PCED1B: variants seen among roughly 807,000 people sequenced by gnomAD.
The protein encoded by PCED1B is PC-esterase domain-containing protein 1B.
For synonymous variants in PCED1B, 251 were observed against 246.1 expected (o/e 1.02, Z -0.19); for missense variants, 573 against 573.9 (o/e 1.00, Z 0.02).
At chr12:47,207,768 A>G (rs562094641) in intron 2 of PCED1B, among the ~76,000 whole-genome samples, 1 of 152,308 alleles carries the variant, frequency 6.6e-6, no homozygotes, top group East Asian at 1.9e-4. Context: ...ACTATAATCT[A>G]TTATTCTTAA....
Position 47,235,500 on chromosome 12 carries a change from T to C in PCED1B, c.437T>C (p.Leu146Pro). ...AGCTACCTGGAGAACCTGGAGAACC[T>C]GTTCCAGTGCCTGGGCCAGGTGCTG... ...WRSYLENLEN[L>P]FQCLGQVLPE... The change falls in exon 4 of 4, where the codon CTG (leucine) becomes CCG (proline). Residue 146 changes from leucine (L) to proline (P), a missense_variant. By Grantham distance (98) the Leu-to-Pro change is moderately conservative. Transcript: ENST00000546455. 1 of 1,613,174 alleles carries C rather than the reference T, an allele frequency of 6.2e-7. No homozygotes were observed. The highest frequency in any genetic ancestry group is 8.5e-7 in the Non-Finnish European group (1 of 1,179,388).
chr12:47,084,298 CAG>C (rs769814550), intron 1 of PCED1B, among the ~76,000 whole-genome samples: 3 of 152,260 alleles, frequency 2.0e-5, no homozygotes, highest in South Asian at 4.1e-4. Context: ...AAGTGAAAAA[CAG>C]AATGATTGTA....
At chr12:47,177,799 C>T (rs949950416) in intron 2 of PCED1B, among the ~76,000 whole-genome samples, 4 of 152,064 alleles carry the variant, frequency 2.6e-5, no homozygotes, top group African/African-American at 9.7e-5. Context: ...ACTAAAAATA[C>T]AAAAATTAAC....
rs563835060 is a variant in PCED1B at position 47,235,201 on chromosome 12, G to A, written c.138G>A (p.Gly46=). The A allele has an allele frequency of 5.0e-6, 8 of 1,603,792 alleles. No individual in the cohort carries two copies. The Admixed American group carries it at 5.0e-5, about 10-fold the overall frequency. The change falls in exon 4 of 4, where the codon GGG becomes GGA. Residue 46 remains glycine, a synonymous_variant. Transcript: ENST00000546455. ...LLQKDRLLTP[G]QLRARGELNF... The stretch of plus-strand genomic sequence containing the variant: ...AGAAGGACCGCCTGCTCACTCCCGG[G>A]CAGCTTAGAGCAAGGGGGGAGCTGA...
At chr12:47,196,636 T>C (rs1942609956) in intron 2 of PCED1B, among the ~76,000 whole-genome samples, 1 of 152,136 alleles carries the variant, frequency 6.6e-6, no homozygotes, top group Non-Finnish European at 1.5e-5. Flanking sequence ...GAGACCAGCC[T>C]GGCCAACACG....
rs547549126 is a variant in PCED1B, at chr12:47,113,465, T to G, written c.-526+9270T>G. Among the ~76,000 whole-genome samples, 773 of 152,316 alleles carry G rather than the reference T, an allele frequency of 5.1e-3. 5 individuals carry two copies. The highest frequency in any genetic ancestry group is 0.017 in the African/African-American group (705 of 41,558). ...AAAGAAGCTTGTCCAGATCTGACTG[T>G]TTGCTCAGCTTTCATGCTTTATACT... On this transcript the variant is annotated intron_variant, in intron 2 of 3. Coordinates refer to ENST00000546455, the MANE Select transcript of PCED1B (RefSeq NM_138371.3).
chr12:47,213,594 G>T (rs959977050), intron 2 of PCED1B, among the ~76,000 whole-genome samples: 9 of 152,212 alleles, frequency 5.9e-5, no homozygotes, highest in African/African-American at 1.9e-4. Context: ...CTTGCATAAA[G>T]CAAAGTTTAA....
intron 3 of PCED1B, among the ~76,000 whole-genome samples, chr12:47,218,660 AT>A (rs869274398): frequency 7.1e-6 from 1 of 140,814 alleles, no homozygotes; most frequent in Non-Finnish European, 1.6e-5. Context: ...ATCATTTTTA[AT>A]TTTTTTTCTT....
chr12:47,140,536 C>T (rs986324799), intron 2 of PCED1B, among the ~76,000 whole-genome samples: 1 of 152,180 alleles, frequency 6.6e-6, no homozygotes, highest in South Asian at 2.1e-4. Flanking sequence ...TAAAACCTCT[C>T]TCCTCATTCG....
At chr12:47,234,962 G>C (rs1038625937) in intron 3 of PCED1B, 45 bp from the exon 4 acceptor site, 2 of 1,151,760 alleles carry the variant, frequency 1.7e-6, no homozygotes, top group Admixed American at 5.4e-5. Flanking sequence ...TGGGCGCTCC[G>C]CCCAGAGGTG....
At chr12:47,140,059 T>C (rs1477245935) in intron 2 of PCED1B, among the ~76,000 whole-genome samples, 2 of 152,106 alleles carry the variant, frequency 1.3e-5, no homozygotes, top group Non-Finnish European at 1.5e-5. Flanking sequence ...AGCTTGAAAA[T>C]AAAATAAGCA....
At chr12:47,207,489 T>C (rs1199181142) in intron 2 of PCED1B, among the ~76,000 whole-genome samples, 1 of 152,190 alleles carries the variant, frequency 6.6e-6, no homozygotes, top group African/African-American at 2.4e-5. Flanking sequence ...GGAAGTGCTC[T>C]TTCTCTCCTG....
intron 2 of PCED1B, among the ~76,000 whole-genome samples, chr12:47,148,032 G>A (rs1940855018): frequency 6.6e-6 from 1 of 152,180 alleles, no homozygotes; most frequent in African/African-American, 2.4e-5. Flanking sequence ...AGTTCTGGAG[G>A]CTGGAGAGTT....
At chr12:47,090,403 T>G (rs1315581604) in intron 1 of PCED1B, among the ~76,000 whole-genome samples, 1 of 152,142 alleles carries the variant, frequency 6.6e-6, no homozygotes, top group Non-Finnish European at 1.5e-5. Flanking sequence ...GAATGTGAAC[T>G]AAACAATTAC....
At chr12:47,234,138 G>A (rs1279407723) in intron 3 of PCED1B, among the ~76,000 whole-genome samples, 1 of 152,048 alleles carries the variant, frequency 6.6e-6, no homozygotes, top group African/African-American at 2.4e-5. Context: ...ACAGGCATGC[G>A]CCACCACGCC....
intron 2 of PCED1B, among the ~76,000 whole-genome samples, chr12:47,215,795 C>T (rs965906685): frequency 6.8e-5 from 10 of 147,794 alleles, no homozygotes; most frequent in Admixed American, 6.0e-4. Context: ...TGGCTCACCC[C>T]TATAATCCCA....
At chr12:47,177,471 A>ACC (rs1402389737) in intron 2 of PCED1B, among the ~76,000 whole-genome samples, 1 of 152,126 alleles carries the variant, frequency 6.6e-6, no homozygotes, top group Non-Finnish European at 1.5e-5. Flanking sequence ...CCCATATGTA[A>ACC]CCTTTGATGT....
chr12:47,110,871 C>G (rs754103883), intron 2 of PCED1B, among the ~76,000 whole-genome samples: 1 of 152,144 alleles, frequency 6.6e-6, no homozygotes, highest in Admixed American at 6.5e-5. Flanking sequence ...TTTGATGTCC[C>G]GCATCACAGT....
chr12:47,117,129 G>T lies in PCED1B; in HGVS notation c.-526+12934G>T, dbSNP rs367811962. Among the ~76,000 whole-genome samples the T allele has an allele frequency of 2.6e-5, 4 of 152,290 alleles. No individual in the cohort carries two copies. The East Asian group carries it at 7.7e-4, about 29-fold the overall frequency. On this transcript the variant is annotated intron_variant, in intron 2 of 3. Coordinates refer to ENST00000546455, the MANE Select transcript of PCED1B (RefSeq NM_138371.3). ...TCCCAGAATGCTGGGATTACAGAAAGGCGTCACTGTGCCTGGCCAGCATAA... is the reference window on the plus strand; with the variant it reads ...TCCCAGAATGCTGGGATTACAGAAATGCGTCACTGTGCCTGGCCAGCATAA...
Sources: allele counts gnomAD v4.1 joint callset (sites outside exome capture counted in the v4.1 genomes callset), GRCh38; gene constraint gnomAD v4.1.1; transcripts MANE v1.5; gene names NCBI Gene and HGNC (gene_info 2026-07-23, HGNC 2026-07-21).